Variants in GLRA2 observed in about 807,000 individuals in gnomAD.
GLRA2 encodes glycine receptor subunit alpha-2.
In GLRA2, 11 loss-of-function variants were observed where a neutral mutation model predicts 31.6. The ratio of observed to expected loss-of-function variants is 0.35; its 90% CI spans 0.22 to 0.58. The LOEUF is 0.58. Ranked by LOEUF, GLRA2 falls within the 20% of genes least tolerant of loss-of-function variation. The pLI is 0.84. For missense variants in GLRA2, 212 were observed against 351.8 expected (o/e 0.60, Z 3.18); for synonymous variants, 132 against 134.0 (o/e 0.99, Z 0.10).
At chrX:14,710,861 A>G (rs998468188) in intron 8 of GLRA2, among the ~76,000 whole-genome samples, 1 of 111,925 alleles carries the variant, frequency 8.9e-6, no homozygotes, top group African/African-American at 3.2e-5. Flanking sequence ...AGAGATATAA[A>G]TTTTCACCTA....
the GLRA2 span, among the ~76,000 whole-genome samples, chrX:14,454,195 CACACACA>C: frequency 2.8e-4 from 14 of 49,470 alleles, no homozygotes; most frequent in South Asian, 2.2e-3. Flanking sequence ...CACCCACACA[CACACACA>C]CACACACACA....
At chrX:14,729,354 C>G (rs777839943) in intron 8 of GLRA2, among the ~76,000 whole-genome samples, 143 of 111,178 alleles carry the variant, frequency 1.3e-3, no homozygotes, top group Admixed American at 2.6e-3. Context: ...TTCAACCCCA[C>G]CTTTTCAACC....
At chrX:14,640,013 T>C (rs752671401) in intron 7 of GLRA2, among the ~76,000 whole-genome samples, 32 of 112,361 alleles carry the variant, frequency 2.8e-4, no homozygotes, top group Non-Finnish European at 4.9e-4. Flanking sequence ...CTTGCAACTC[T>C]GTTCCTATGC....
At chrX:14,514,313 G>C in the GLRA2 span, among the ~76,000 whole-genome samples, 3 of 109,780 alleles carry the variant, frequency 2.7e-5, no homozygotes, top group Non-Finnish European at 3.8e-5. Context: ...TATACTGCTT[G>C]GGTGACGGGT....
At chrX:14,698,898 T>G (rs921861266) in intron 8 of GLRA2, among the ~76,000 whole-genome samples, 49 of 110,773 alleles carry the variant, frequency 4.4e-4, no homozygotes, top group African/African-American at 1.4e-3. Flanking sequence ...AGATTACATT[T>G]ACATGCATGG....
chrX:14,578,388 A>T (rs2089979814), intron 3 of GLRA2, among the ~76,000 whole-genome samples: 1 of 112,340 alleles, frequency 8.9e-6, no homozygotes, highest in Non-Finnish European at 1.9e-5. Flanking sequence ...GTGTACTCAC[A>T]GGACAACACA....
chrX:14,465,959 C>A, the GLRA2 span, among the ~76,000 whole-genome samples: 2 of 111,917 alleles, frequency 1.8e-5, no homozygotes, highest in African/African-American at 6.5e-5. Flanking sequence ...TGGATGTATA[C>A]CCATAGGTTT....
chrX:14,686,438 T>G, intron 7 of GLRA2, among the ~76,000 whole-genome samples: 1 of 111,379 alleles, frequency 9.0e-6, no homozygotes, highest in Non-Finnish European at 1.9e-5. Context: ...ATTATTATTG[T>G]GTGGGAGTCT....
chrX:14,718,409 G>C (rs2091820603), intron 8 of GLRA2, among the ~76,000 whole-genome samples: 1 of 112,256 alleles, frequency 8.9e-6, no homozygotes. Context: ...TATTGAAAGT[G>C]TAATATTTGG....
In GLRA2 at chrX:14,654,816, A is replaced by T. The variant is rs544384073; in HGVS notation, c.931-35894A>T. Among the ~76,000 whole-genome samples the T allele has an allele frequency of 7.1e-4, 79 of 111,922 alleles. 1 individual carries two copies. In the South Asian group the frequency reaches 0.029, roughly 41 times the overall value. ...AGGTTTAATGGACTCACAGTTCCAC[A>T]TGGCTGGGGAGGCCTCACAATCATG... On this transcript the variant is annotated intron_variant, in intron 7 of 8. Transcript: ENST00000218075.
the GLRA2 span, among the ~76,000 whole-genome samples, chrX:14,451,644 C>CAAA: frequency 1.5e-4 from 6 of 40,015 alleles, no homozygotes; most frequent in African/African-American, 3.3e-4. Context: ...ACTCTGTCTC[C>CAAA]AAAAAAAAAA....
intron 4 of GLRA2, among the ~76,000 whole-genome samples, chrX:14,586,944 A>C (rs1020988084): frequency 1.8e-5 from 2 of 111,674 alleles, no homozygotes; most frequent in Non-Finnish European, 3.8e-5. Context: ...CTAATCCAAC[A>C]CCCTTGTTTT....
In GLRA2 at chrX:14,539,513, T is replaced by G. The variant is rs764753985; in HGVS notation, c.202+7141T>G. 2.7e-5 allele frequency among the ~76,000 whole-genome samples: 3 copies of G among 111,796 alleles called. No individual in the cohort carries two copies. The South Asian group carries it at 1.1e-3, about 42-fold the overall frequency. ...CAAATGGATATTCTAATGTGTGCAG[T>G]ACATGTAAGAACAAAGTCACCAGGT... is the stretch of plus-strand genomic sequence containing the variant. On this transcript the variant is annotated intron_variant, in intron 2 of 8. Transcript: ENST00000218075.
intron 7 of GLRA2, among the ~76,000 whole-genome samples, chrX:14,655,167 T>C (rs56147547): frequency 0.21 from 23,278 of 110,954 alleles, 1,866 homozygotes; most frequent in Non-Finnish European, 0.24. Context: ...ATATAGACAC[T>C]GAGCAGAGAC....
At chrX:14,469,925 A>G in the GLRA2 span, among the ~76,000 whole-genome samples, 2 of 111,672 alleles carry the variant, frequency 1.8e-5, no homozygotes, top group Non-Finnish European at 3.8e-5. Context: ...TTTAAAAAGC[A>G]ACGTTTTGAT....
intron 4 of GLRA2, among the ~76,000 whole-genome samples, chrX:14,588,159 C>T: frequency 8.9e-6 from 1 of 111,744 alleles, no homozygotes; most frequent in Admixed American, 9.5e-5. Flanking sequence ...CCACCTCAGC[C>T]TCCCAAAGTG....
At chrX:14,454,200 A>C in the GLRA2 span, among the ~76,000 whole-genome samples, 115 of 107,494 alleles carry the variant, frequency 1.1e-3, no homozygotes, top group Middle Eastern at 4.7e-3. Flanking sequence ...ACACACACAC[A>C]CACACACACA....
At chrX:14,620,958 A>G (rs942591518) in intron 7 of GLRA2, among the ~76,000 whole-genome samples, 1 of 111,639 alleles carries the variant, frequency 9.0e-6, no homozygotes, top group Admixed American at 9.5e-5. Flanking sequence ...TGCCACTTTC[A>G]ATCATTGCAT....
intron 7 of GLRA2, among the ~76,000 whole-genome samples, chrX:14,627,677 C>T (rs1056728336): frequency 1.8e-5 from 2 of 111,302 alleles, no homozygotes; most frequent in African/African-American, 6.5e-5. Flanking sequence ...ATTGCTGTTT[C>T]CTACTCACTT....
Sources: allele counts gnomAD v4.1 joint callset (sites outside exome capture counted in the v4.1 genomes callset), GRCh38; gene constraint gnomAD v4.1.1; transcripts MANE v1.5; gene names NCBI Gene and HGNC (gene_info 2026-07-23, HGNC 2026-07-21).